Variants in YTHDC2 observed in about 807,000 individuals in gnomAD.
YTHDC2 encodes the protein YTH N6-methyladenosine RNA binding protein C2.
Under a neutral mutation model 174.9 loss-of-function variants are expected in YTHDC2, and 45 were observed. That is an observed-to-expected ratio of 0.26 (90% CI 0.20 to 0.33). The LOEUF is 0.33. YTHDC2 is among the 10% of genes least tolerant of loss of function. The pLI is 1.00. For missense variants in YTHDC2, 1,650 were observed against 1,723.7 expected, an observed-to-expected ratio of 0.96 and a Z score of 0.76; for synonymous variants, 657 against 574.5, an observed-to-expected ratio of 1.14 and a Z score of -2.05.
chr5:113,566,149 C>A, intron 21 of YTHDC2, 130 bp downstream of exon 21: 2 of 1,080,748 alleles, frequency 1.9e-6, no homozygotes, highest in Non-Finnish European at 2.5e-6. Context: ...ATCTTATATT[C>A]ATGCATGATT....
chr5:113,520,948 G>T (rs1404766474), intron 2 of YTHDC2, among the ~76,000 whole-genome samples: 1 of 152,076 alleles, frequency 6.6e-6, no homozygotes, highest in Non-Finnish European at 1.5e-5. Flanking sequence ...AGTGCCTGTT[G>T]TTCACCTCTA....
chr5:113,515,278 A>C lies in YTHDC2; in HGVS notation c.194A>C (p.Glu65Ala). ...TTGTTTTTTTTCCGTGTAGAAATGG[A>C]ATTTCCTTCTTCTTTGACCAGTACT... ...RFRYGDQREM[E>A]FPSSLTSTER... The change falls in exon 2 of 30, where the codon GAA (glutamate) becomes GCA (alanine). Residue 65 changes from glutamate (E) to alanine (A), a missense_variant. Physicochemically the swap from Glu to Ala is moderately radical, Grantham distance 107. This residue lies in a region of YTHDC2 where 304 missense variants were observed against 341.4 expected (regional missense o/e 0.89). Coordinates refer to ENST00000161863, the MANE Select transcript of YTHDC2 (RefSeq NM_022828.5). 1.2e-6 allele frequency: 2 copies of C among 1,603,396 alleles called. No individual in the cohort carries two copies. The highest frequency in any genetic ancestry group is 1.7e-6 in the Non-Finnish European group (2 of 1,177,058).
chr5:113,544,186 G>A (rs549856021), intron 10 of YTHDC2, among the ~76,000 whole-genome samples: 2 of 152,174 alleles, frequency 1.3e-5, no homozygotes, highest in Non-Finnish European at 1.5e-5. Flanking sequence ...GTCTCTCTCT[G>A]TCATCAGGCT....
intron 10 of YTHDC2, among the ~76,000 whole-genome samples, chr5:113,547,478 C>T (rs1472056655): frequency 6.6e-6 from 1 of 152,102 alleles, no homozygotes; most frequent in East Asian, 1.9e-4. Flanking sequence ...AAGAGTGAAT[C>T]CTAATGTAAA....
At chr5:113,566,788 T>A (rs1232281088) in intron 21 of YTHDC2, among the ~76,000 whole-genome samples, 1 of 152,158 alleles carries the variant, frequency 6.6e-6, no homozygotes, top group African/African-American at 2.4e-5. Context: ...AGTTTGTTTC[T>A]GGCAGCAGAT....
chr5:113,520,383 AT>A (rs1488733168), intron 2 of YTHDC2, among the ~76,000 whole-genome samples: 2 of 152,208 alleles, frequency 1.3e-5, no homozygotes, highest in African/African-American at 4.8e-5. Context: ...AATGAAAATT[AT>A]GGGTTTATCT....
intron 12 of YTHDC2, among the ~76,000 whole-genome samples, chr5:113,550,232 C>T (rs780593110): frequency 2.0e-5 from 3 of 150,878 alleles, no homozygotes; most frequent in Non-Finnish European, 2.9e-5. Flanking sequence ...TAGGCCTGAT[C>T]GCATAGGAAC....
chr5:113,529,716 G>A (rs1001102764), intron 4 of YTHDC2, among the ~76,000 whole-genome samples: 1 of 151,676 alleles, frequency 6.6e-6, no homozygotes, highest in African/African-American at 2.4e-5. Flanking sequence ...ATTTTTTAGA[G>A]TGCTTTATTA....
chr5:113,563,561 T>G, intron 19 of YTHDC2, 69 bp downstream of exon 19: 1 of 1,465,152 alleles, frequency 6.8e-7, no homozygotes, highest in Non-Finnish European at 9.2e-7. Flanking sequence ...AGGAAATATG[T>G]CTTAACTAAT....
chr5:113,565,605 T>G (rs1299632283), intron 20 of YTHDC2: 1 of 215,962 alleles, frequency 4.6e-6, no homozygotes, highest in Non-Finnish European at 9.1e-6. Flanking sequence ...TTGTAGAGAG[T>G]AAAATTAGCA....
At chr5:113,515,630 C>G (rs1001774515) in intron 2 of YTHDC2, among the ~76,000 whole-genome samples, 2 of 152,070 alleles carry the variant, frequency 1.3e-5, no homozygotes, top group Non-Finnish European at 2.9e-5. Context: ...GGCTGGGACC[C>G]TGCAAATTAG....
chr5:113,533,463 C>T (rs993475844), intron 5 of YTHDC2, among the ~76,000 whole-genome samples: 1 of 151,396 alleles, frequency 6.6e-6, no homozygotes, highest in East Asian at 1.9e-4. Context: ...GCAGGAGAAT[C>T]GTTTGAACCC....
At chr5:113,535,607 T>C in intron 6 of YTHDC2, 35 bp from the exon 7 acceptor site, 1 of 1,547,978 alleles carries the variant, frequency 6.5e-7, no homozygotes, top group Non-Finnish European at 8.7e-7. Flanking sequence ...AATAATGTTT[T>C]AACTGTTCCA....
chr5:113,560,951 CAG>C, intron 17 of YTHDC2, 127 bp from the exon 18 acceptor site: 1 of 691,262 alleles, frequency 1.4e-6, no homozygotes, highest in Non-Finnish European at 2.2e-6. Flanking sequence ...GGATAAGAAA[CAG>C]AATAGGATTT....
At chr5:113,565,338 C>T (rs570390894) in intron 20 of YTHDC2, among the ~76,000 whole-genome samples, 6 of 152,074 alleles carry the variant, frequency 3.9e-5, no homozygotes, top group Non-Finnish European at 7.4e-5. Context: ...TCTATCTGTT[C>T]TTTGCTTTTC....
chr5:113,520,552 A>AG (rs1210220291), intron 2 of YTHDC2, among the ~76,000 whole-genome samples: 5 of 150,028 alleles, frequency 3.3e-5, no homozygotes, highest in Non-Finnish European at 5.9e-5. Flanking sequence ...TATTTGGATG[A>AG]GGGCCTTTGG....
intron 23 of YTHDC2, among the ~76,000 whole-genome samples, chr5:113,579,011 T>G (rs1352064566): frequency 1.3e-5 from 2 of 152,048 alleles, no homozygotes; most frequent in African/African-American, 4.8e-5. Context: ...GTAGATAGAT[T>G]TTTGCTTTCT....
At chr5:113,551,479 T>A (rs952625186) in intron 12 of YTHDC2, among the ~76,000 whole-genome samples, 1 of 152,150 alleles carries the variant, frequency 6.6e-6, no homozygotes, top group Non-Finnish European at 1.5e-5. Context: ...ATATAATGTC[T>A]TCTTCATTTA....
intron 23 of YTHDC2, among the ~76,000 whole-genome samples, chr5:113,573,952 C>T (rs1403367491): frequency 6.6e-6 from 1 of 152,156 alleles, no homozygotes; most frequent in Non-Finnish European, 1.5e-5. Flanking sequence ...CTTCTGAAGC[C>T]TACTTCTGTC....
Sources: allele counts gnomAD v4.1 joint callset (sites outside exome capture counted in the v4.1 genomes callset), GRCh38; gene constraint gnomAD v4.1.1; regional missense constraint gnomAD v4.1.1; transcripts MANE v1.5; gene names NCBI Gene and HGNC (gene_info 2026-07-23, HGNC 2026-07-21).